The following CCSER1 variants were observed in gnomAD, a reference collection of about 807,000 sequenced individuals.
CCSER1 encodes the protein serine-rich coiled-coil domain-containing protein 1.
A neutral mutation model predicts 82.0 loss-of-function variants in CCSER1; 41 were observed. That is an observed-to-expected ratio of 0.50 (90% CI 0.39 to 0.65). CCSER1 has a LOEUF of 0.65. Among genes scored for constraint, CCSER1 ranks in the 30% least tolerant of loss-of-function variants. The probability of loss-of-function intolerance (pLI) is 0.00; values close to 1 mark genes in which losing one functional copy is unlikely to be tolerated. For synonymous variants in CCSER1, 414 were observed against 383.9 expected, an observed-to-expected ratio of 1.08 and a Z score of -0.92; for missense variants, 1,119 against 1,064.2, an observed-to-expected ratio of 1.05 and a Z score of -0.72.
intron 9 of CCSER1, among the ~76,000 whole-genome samples, chr4:91,002,308 G>A (rs1433102538): frequency 6.6e-6 from 1 of 152,188 alleles, no homozygotes; most frequent in Non-Finnish European, 1.5e-5. Flanking sequence ...CTCTGGCAAG[G>A]CCAGGGAAGT....
intron 4 of CCSER1, among the ~76,000 whole-genome samples, chr4:90,430,662 A>G (rs901010563): frequency 2.4e-4 from 36 of 152,008 alleles, no homozygotes; most frequent in African/African-American, 8.7e-4. Context: ...CCATACAGCA[A>G]ACTTTTTTTC....
chr4:91,148,947 G>A (rs570926755), intron 10 of CCSER1, among the ~76,000 whole-genome samples: 20 of 152,204 alleles, frequency 1.3e-4, no homozygotes, highest in African/African-American at 3.9e-4. Context: ...ATAAACATAC[G>A]TGTGCATGTG....
chr4:90,212,867 T>A (rs1740290685), intron 1 of CCSER1, among the ~76,000 whole-genome samples: 1 of 152,120 alleles, frequency 6.6e-6, no homozygotes, highest in African/African-American at 2.4e-5. Flanking sequence ...AAAGAGAACA[T>A]CAAGTGTAAA....
chr4:90,429,105 G>A (rs139456320), intron 4 of CCSER1, among the ~76,000 whole-genome samples: 65 of 151,876 alleles, frequency 4.3e-4, no homozygotes, highest in African/African-American at 1.5e-3. Context: ...TATAGGAACC[G>A]TCAGTACTAT....
chr4:90,629,826 T>A (rs1168766760), intron 6 of CCSER1, among the ~76,000 whole-genome samples: 1 of 152,242 alleles, frequency 6.6e-6, no homozygotes, highest in Admixed American at 6.5e-5. Context: ...AAATAAATTA[T>A]ATGAACTTAA....
chr4:91,253,354 G>T (rs993671080), intron 10 of CCSER1, among the ~76,000 whole-genome samples: 5 of 151,986 alleles, frequency 3.3e-5, no homozygotes. Context: ...CTGTGCTATT[G>T]GTAAACTTTC....
At chr4:91,210,597 T>C (rs551462453) in intron 10 of CCSER1, among the ~76,000 whole-genome samples, 3 of 151,484 alleles carry the variant, frequency 2.0e-5, no homozygotes, top group Non-Finnish European at 3.0e-5. Flanking sequence ...CAATAAAACA[T>C]AATTCAAACC....
At position 91,388,947 on chromosome 4, in the gene CCSER1, G is replaced by A. The variant is rs75153970; in HGVS notation, c.2218-209625G>A. 2.9e-3 allele frequency among the ~76,000 whole-genome samples: 436 copies of A among 151,974 alleles called. 1 individual carries two copies. Among genetic ancestry groups the A allele is most frequent in the African/African-American group, 0.01 (420 of 41,500 alleles). The stretch of plus-strand genomic sequence containing the variant: ...GTTTTAATTGGATTGTTTTCTTATT[G>A]TTAAATTTTAAGTATTATTTATATA... On this transcript the variant is annotated intron_variant, in intron 10 of 10. Coordinates refer to ENST00000509176, the MANE Select transcript of CCSER1 (RefSeq NM_001145065.2).
At chr4:90,397,984 A>G (rs766144493) in intron 3 of CCSER1, among the ~76,000 whole-genome samples, 33 of 152,202 alleles carry the variant, frequency 2.2e-4, no homozygotes, top group Non-Finnish European at 4.0e-4. Flanking sequence ...AATACTACAG[A>G]CTGGGTGGCT....
At chr4:90,670,982 A>C (rs900855294) in intron 6 of CCSER1, among the ~76,000 whole-genome samples, 3 of 152,080 alleles carry the variant, frequency 2.0e-5, no homozygotes, top group African/African-American at 7.2e-5. Context: ...AGTACATGTA[A>C]AAATTATGTT....
At chr4:90,233,717 TA>T (rs199884858) in intron 1 of CCSER1, among the ~76,000 whole-genome samples, 2,053 of 125,366 alleles carry the variant, frequency 0.016, 29 homozygotes, top group African/African-American at 0.043. Flanking sequence ...GAAGTGGCCA[TA>T]AAAAAAAAAA....
rs568600378 is a variant in CCSER1 at position 91,069,162 on chromosome 4, C to CA, written c.2173-16780dup. Among the ~76,000 whole-genome samples, 373 of 150,634 alleles carry CA rather than the reference C, an allele frequency of 2.5e-3. 2 individuals carry two copies. Among genetic ancestry groups the CA allele is most frequent in the African/African-American group, 8.8e-3 (360 of 41,032 alleles). ...GCACAGACAGAGTGAGACATCATCT[C>CA]AAAAAAAATAAATAAAAAATAAAAA... is the stretch of plus-strand genomic sequence containing the variant. On this transcript the variant is annotated intron_variant, in intron 9 of 10. Coordinates refer to ENST00000509176, the MANE Select transcript of CCSER1 (RefSeq NM_001145065.2).
At chr4:90,256,627 A>T (rs544756040) in intron 1 of CCSER1, among the ~76,000 whole-genome samples, 9 of 152,164 alleles carry the variant, frequency 5.9e-5, no homozygotes, top group African/African-American at 1.7e-4. Flanking sequence ...AGGTTGAGAA[A>T]CTCAGAATCA....
At chr4:90,620,918 A>G (rs1027135653) in intron 5 of CCSER1, among the ~76,000 whole-genome samples, 1 of 152,086 alleles carries the variant, frequency 6.6e-6, no homozygotes, top group Non-Finnish European at 1.5e-5. Context: ...GGTTCAAGCC[A>G]TTCTCCTGCC....
intron 10 of CCSER1, among the ~76,000 whole-genome samples, chr4:91,384,363 C>G (rs1252506676): frequency 6.6e-6 from 1 of 151,924 alleles, no homozygotes; most frequent in Non-Finnish European, 1.5e-5. Flanking sequence ...AAGAAACACA[C>G]TGATAAATGA....
chr4:90,277,800 G>A (rs1249978945), intron 1 of CCSER1, among the ~76,000 whole-genome samples: 1 of 151,934 alleles, frequency 6.6e-6, no homozygotes, highest in East Asian at 1.9e-4. Flanking sequence ...TCCTCAAAAG[G>A]CAATTGCAAC....
chr4:90,150,154 A>G (rs187247302), intron 1 of CCSER1, among the ~76,000 whole-genome samples: 7 of 152,268 alleles, frequency 4.6e-5, no homozygotes, highest in African/African-American at 1.7e-4. Flanking sequence ...GATTTTTCCT[A>G]TCTGCTAATT....
chr4:90,505,143 C>A (rs761440922), intron 5 of CCSER1, among the ~76,000 whole-genome samples: 1 of 152,166 alleles, frequency 6.6e-6, no homozygotes, highest in Non-Finnish European at 1.5e-5. Context: ...CATAAGCATG[C>A]ATTTTGGCAC....
At chr4:91,262,280 T>A (rs1335627652) in intron 10 of CCSER1, among the ~76,000 whole-genome samples, 1 of 152,126 alleles carries the variant, frequency 6.6e-6, no homozygotes, top group Non-Finnish European at 1.5e-5. Flanking sequence ...CAATAATTAA[T>A]GTTCTTTATA....
Sources: allele counts gnomAD v4.1 joint callset (sites outside exome capture counted in the v4.1 genomes callset), GRCh38; gene constraint gnomAD v4.1.1; transcripts MANE v1.5; gene names NCBI Gene and HGNC (gene_info 2026-07-23, HGNC 2026-07-21).